The following TMEM44 variants were observed in gnomAD, a reference collection of about 807,000 sequenced individuals.
TMEM44 encodes the protein transmembrane protein 44.
A neutral mutation model predicts 47.8 loss-of-function variants in TMEM44; 43 were observed. That is an observed-to-expected ratio of 0.90 (90% confidence interval 0.70 to 1.16). The LOEUF is 1.16. Among genes scored for constraint, TMEM44 ranks in the 50% most tolerant of loss-of-function variants. The pLI, the probability that TMEM44 is intolerant of heterozygous loss-of-function variation, is 0.00. For missense variants in TMEM44, 568 were observed against 555.2 expected, an observed-to-expected ratio of 1.02 and a Z score of -0.23; for synonymous variants, 277 against 238.8, an observed-to-expected ratio of 1.16 and a Z score of -1.48.
chr3:194,597,673 GA>G (rs550627894), intron 9 of TMEM44, among the ~76,000 whole-genome samples: 1 of 148,940 alleles, frequency 6.7e-6, no homozygotes, highest in East Asian at 2.0e-4. Flanking sequence ...AAAGAAAAAA[GA>G]AAAAAAAATA....
chr3:194,610,897 A>C lies in TMEM44; in HGVS notation c.1017+19T>G. On this transcript the variant is annotated intron_variant, in intron 8 of 9. Transcript: ENST00000347147. ...TTCCCATCCTCTCAGACACCTGGCC[A>C]TGACCGATGGCCACTCACCTGCTGC... is the stretch of plus-strand genomic sequence containing the variant. 1 of 1,608,616 alleles carries C rather than the reference A, an allele frequency of 6.2e-7. No individual in the cohort carries two copies. The highest frequency in any genetic ancestry group is 1.7e-5 in the Admixed American group (1 of 59,686).
At chr3:194,622,174 C>T (rs1487634290) in intron 5 of TMEM44, among the ~76,000 whole-genome samples, 5 of 152,224 alleles carry the variant, frequency 3.3e-5, no homozygotes, top group Non-Finnish European at 7.3e-5. Flanking sequence ...CAGGCGCTTT[C>T]GCACGTGGGG....
At chr3:194,596,607 C>G (rs998158185) in intron 9 of TMEM44, among the ~76,000 whole-genome samples, 1 of 152,144 alleles carries the variant, frequency 6.6e-6, no homozygotes, top group Non-Finnish European at 1.5e-5. Flanking sequence ...GCCTGACCAA[C>G]AGGGAGAAAC....
In TMEM44 at chr3:194,612,710, G is replaced by C. The variant is rs986862680; in HGVS notation, c.913-1690C>G. ...GACGGAGTCTCGCTCTGTCGCCCAG[G>C]CTGGAGTGCAGTGGCGGGATCTCGA... is the stretch of plus-strand genomic sequence containing the variant. On this transcript the variant is annotated intron_variant, in intron 7 of 9. Coordinates refer to ENST00000347147, the MANE Select transcript of TMEM44 (RefSeq NM_001011655.3). Among the ~76,000 whole-genome samples, 8 of 152,178 alleles carry C rather than the reference G, an allele frequency of 5.3e-5. No homozygotes were observed. The East Asian group carries it at 1.5e-3, about 29-fold the overall frequency.
chr3:194,608,798 T>C (rs1715026351), intron 8 of TMEM44, among the ~76,000 whole-genome samples: 1 of 152,150 alleles, frequency 6.6e-6, no homozygotes, highest in Non-Finnish European at 1.5e-5. Context: ...CTACCTCAGG[T>C]TCCCAAAGTA....
chr3:194,624,561 G>T (rs114109951), intron 3 of TMEM44, among the ~76,000 whole-genome samples: 2,236 of 152,204 alleles, frequency 0.015, 56 homozygotes, highest in African/African-American at 0.051. Context: ...TGGGACCACA[G>T]GCATGCACCA....
intron 4 of TMEM44, 35 bp from the exon 5 acceptor site, chr3:194,623,345 TCTGCAGAGA>T: frequency 6.3e-7 from 1 of 1,575,894 alleles, no homozygotes; most frequent in Non-Finnish European, 8.6e-7. Flanking sequence ...CCATCAGTAC[TCTGCAGAGA>T]CTGCCCATGT....
rs1403507111 is a variant in TMEM44 at position 194,593,163 on chromosome 3, G to A, written c.1177-4524C>T. The A allele has an allele frequency of 8.1e-6, 11 of 1,362,138 alleles. No homozygotes were observed. The East Asian group carries it at 2.3e-4, about 29-fold the overall frequency. 84.4% of individuals were successfully genotyped at this position (1,362,138 alleles called of 1,614,324 possible). ...CAGAGCTCAGGACCAGCTCCTGTCT[G>A]CTCAGTGAGCCAGGAGACAGGCCCT... On this transcript the variant is annotated intron_variant, in intron 9 of 9. Transcript: ENST00000347147.
intron 2 of TMEM44, among the ~76,000 whole-genome samples, chr3:194,626,278 C>T (rs1224913613): frequency 5.9e-5 from 9 of 152,216 alleles, no homozygotes; most frequent in African/African-American, 9.6e-5. Flanking sequence ...CTTCCCACTG[C>T]GTGAGGCAGT....
intron 2 of TMEM44, among the ~76,000 whole-genome samples, chr3:194,628,149 G>C (rs1229514149): frequency 6.6e-6 from 1 of 152,174 alleles, no homozygotes; most frequent in Non-Finnish European, 1.5e-5. Context: ...GCTCCTGGCC[G>C]TGAGAAGTGA....
At chr3:194,601,145 G>GTTTTTTTTTTTTTT (rs200964048) in intron 9 of TMEM44, among the ~76,000 whole-genome samples, 1 of 144,396 alleles carries the variant, frequency 6.9e-6, no homozygotes, top group African/African-American at 2.6e-5. Context: ...GAATTTACTT[G>GTTTTTTTTTTTTTT]TTTGTTTTTT....
At chr3:194,623,811 C>T in intron 3 of TMEM44, 116 bp from the exon 4 acceptor site, 2 of 1,362,666 alleles carry the variant, frequency 1.5e-6, no homozygotes. Context: ...CGGGTTCCCA[C>T]ATTATTCTGC....
chr3:194,609,297 C>G (rs558756554), intron 8 of TMEM44, among the ~76,000 whole-genome samples: 2 of 152,016 alleles, frequency 1.3e-5, no homozygotes, highest in African/African-American at 4.8e-5. Context: ...GTGTGCAGAG[C>G]GAGGGGACTG....
rs539524394 is a variant in TMEM44 at position 194,603,374 on chromosome 3, A to T, written c.1176+913T>A. On this transcript the variant is annotated intron_variant, in intron 9 of 9. Transcript: ENST00000347147. The stretch of plus-strand genomic sequence containing the variant: ...GCTCCTCGGGGGGAGAAAAGCTCCC[A>T]TGGGCAAATCAGTTTGAGAAGCACT... Among the ~76,000 whole-genome samples, 34 of 152,040 alleles carry T rather than the reference A, an allele frequency of 2.2e-4. 1 individual carries two copies. In the Middle Eastern group the frequency reaches 0.038, roughly 168 times the overall value.
Position 194,611,867 on chromosome 3 carries a change from C to T in TMEM44, c.913-847G>A, listed in dbSNP as rs1715357292. On this transcript the variant is annotated intron_variant, in intron 7 of 9. Transcript: ENST00000347147. This position sits in a 1 kb window ranked among gnomAD's most constrained non-coding sequence, Gnocchi z 4.2. ...TGAAACCCTGTCTCTACTAAAAATA[C>T]AAAAATTGGCTGGGCAAGGTGGCGT... 6.6e-6 allele frequency among the ~76,000 whole-genome samples: 1 copy of T among 151,992 alleles called. No individual in the cohort carries two copies. The highest frequency in any genetic ancestry group is 2.4e-5 in the African/African-American group (1 of 41,384).
chr3:194,604,237 C>A, intron 9 of TMEM44, 50 bp downstream of exon 9: 2 of 1,553,250 alleles, frequency 1.3e-6, no homozygotes, highest in South Asian at 1.2e-5. Context: ...CAGCAAGTGT[C>A]GGCGAACGAT....
In TMEM44 at chr3:194,633,224, T is replaced by TGG; in HGVS notation, c.-11_-10dup. The TGG allele has an allele frequency of 7.2e-7, 1 of 1,383,970 alleles. No individual in the cohort carries two copies. The highest frequency in any genetic ancestry group is 9.4e-7 in the Non-Finnish European group (1 of 1,066,884). The allele number at this position is 1,383,970 out of a possible 1,614,324, so 85.7% of individuals were successfully genotyped here. A position where few individuals can be genotyped will look rare whatever the true frequency, so the allele number is the denominator to read the frequency against. On this transcript the variant is annotated 5_prime_UTR_variant, in exon 1 of 10. Transcript: ENST00000347147. ...CTGGGCGCCTCCCCCATGGCGCGGCTGGGCGCGCGGCGCGGGGCCGGGGAC... is the reference window on the plus strand; with the variant it reads ...CTGGGCGCCTCCCCCATGGCGCGGCTGGGGGCGCGCGGCGCGGGGCCGGGGAC...
At chr3:194,592,204 G>A (rs905372224) in intron 9 of TMEM44, among the ~76,000 whole-genome samples, 1 of 142,866 alleles carries the variant, frequency 7.0e-6, no homozygotes. Context: ...CGGCCTGGGC[G>A]ACAGAGCGAG....
chr3:194,591,385 T>C lies in TMEM44; in HGVS notation c.1177-2746A>G, dbSNP rs547702565. Among the ~76,000 whole-genome samples the C allele has an allele frequency of 5.3e-5, 8 of 152,040 alleles. No individual in the cohort carries two copies. In the South Asian group the frequency reaches 1.5e-3, roughly 28 times the overall value. On this transcript the variant is annotated intron_variant, in intron 9 of 9. Coordinates refer to ENST00000347147, the MANE Select transcript of TMEM44 (RefSeq NM_001011655.3). ...GACAGGCGCCTATAATCCCAGCCAC[T>C]TGGGAGGCTGAAGCAGGAGAATCGT...
Sources: gnomAD v4.1 joint callset for allele counts (sites outside exome capture counted in the v4.1 genomes callset) on GRCh38, gnomAD v4.1.1 for gene constraint, Gnocchi (gnomAD v3.1) non-coding constraint, MANE v1.5 for transcripts, NCBI Gene and HGNC (gene_info 2026-07-23, HGNC 2026-07-21) for gene names.